The following VPS13B variants were observed in gnomAD, a reference collection of about 807,000 sequenced individuals.
VPS13B encodes intermembrane lipid transfer protein VPS13B.
Under a neutral mutation model 426.4 loss-of-function variants are expected in VPS13B, and 285 were observed. The observed-to-expected ratio is 0.67, with a 90% CI of 0.61 to 0.74. The LOEUF is 0.74. Ranked by LOEUF, VPS13B falls within the 30% of genes least tolerant of loss-of-function variation. VPS13B has a pLI of 0.00. For missense variants in VPS13B, 4,537 were observed against 4,782.6 expected, an observed-to-expected ratio of 0.95 and a Z score of 1.51; for synonymous variants, 1,676 against 1,676.4, an observed-to-expected ratio of 1.00 and a Z score of 0.01.
intron 33 of VPS13B, among the ~76,000 whole-genome samples, chr8:99,628,755 T>C (rs1462853370): frequency 6.6e-6 from 1 of 151,958 alleles, no homozygotes; most frequent in Non-Finnish European, 1.5e-5. Context: ...AATTCCAGTT[T>C]CACCATTTAC....
chr8:99,630,566 C>A (rs1432776121), intron 33 of VPS13B, among the ~76,000 whole-genome samples: 1 of 152,006 alleles, frequency 6.6e-6, no homozygotes. Flanking sequence ...TGATTCCCTT[C>A]ATTTGTCCCT....
At chr8:99,140,568 T>C (rs1810358210) in intron 12 of VPS13B, among the ~76,000 whole-genome samples, 1 of 144,938 alleles carries the variant, frequency 6.9e-6, no homozygotes, top group South Asian at 2.2e-4. Flanking sequence ...TCTCCTCCTT[T>C]CTTCTTGCTG....
In VPS13B at chr8:99,238,241, A is replaced by AGTGTGT. The variant is rs199541620; in HGVS notation, c.2516-35933_2516-35928dup. ...CTAAATTAGTGTAAGAGTTTGTGGG[A>AGTGTGT]GTGTGTGTGTGTGTGTGTGTGTGTG... On this transcript the variant is annotated intron_variant, in intron 17 of 61. Transcript: ENST00000357162. 3.1e-3 allele frequency among the ~76,000 whole-genome samples: 458 copies of AGTGTGT among 150,034 alleles called. 2 individuals are homozygous for AGTGTGT. The highest frequency in any genetic ancestry group is 0.011 in the African/African-American group (437 of 40,904).
chr8:99,078,332 T>C (rs1455587881), intron 3 of VPS13B, among the ~76,000 whole-genome samples: 1 of 151,604 alleles, frequency 6.6e-6, no homozygotes, highest in East Asian at 1.9e-4. Flanking sequence ...TTTTTTCTTA[T>C]AGATGCATCT....
intron 17 of VPS13B, among the ~76,000 whole-genome samples, chr8:99,198,593 T>G (rs978585833): frequency 6.6e-6 from 1 of 152,130 alleles, no homozygotes; most frequent in South Asian, 2.1e-4. Context: ...AAAAATTGAT[T>G]AGGTAAGTGA....
At chr8:99,740,375 T>G (rs1461893661) in intron 39 of VPS13B, among the ~76,000 whole-genome samples, 1 of 152,114 alleles carries the variant, frequency 6.6e-6, no homozygotes, top group African/African-American at 2.4e-5. Context: ...ACGGGGAGAA[T>G]GGAACCAAGT....
intron 19 of VPS13B, among the ~76,000 whole-genome samples, chr8:99,295,591 T>G (rs1040965281): frequency 1.3e-5 from 2 of 152,196 alleles, no homozygotes; most frequent in Non-Finnish European, 2.9e-5. Context: ...TACATTGGCC[T>G]TCAGTTGGGC....
chr8:99,552,537 T>C (rs1006965258), intron 30 of VPS13B, among the ~76,000 whole-genome samples: 2 of 151,920 alleles, frequency 1.3e-5, no homozygotes, highest in African/African-American at 4.8e-5. Flanking sequence ...GGAACATTGC[T>C]TTTTAGTTTG....
intron 21 of VPS13B, among the ~76,000 whole-genome samples, chr8:99,406,193 C>G (rs946918951): frequency 4.0e-5 from 6 of 151,836 alleles, no homozygotes; most frequent in Middle Eastern, 3.2e-3. Context: ...CCTTTCTATC[C>G]TTAGAACACT....
chr8:99,570,201 A>G (rs1338711684), intron 31 of VPS13B, among the ~76,000 whole-genome samples: 1 of 152,182 alleles, frequency 6.6e-6, no homozygotes, highest in East Asian at 1.9e-4. Context: ...GAACCAGGAC[A>G]CACTGTGCTT....
intron 19 of VPS13B, among the ~76,000 whole-genome samples, chr8:99,320,488 C>A (rs912474590): frequency 6.6e-6 from 1 of 152,036 alleles, no homozygotes; most frequent in Non-Finnish European, 1.5e-5. Context: ...TATTTGCTAT[C>A]TTTGTTGTGT....
chr8:99,639,610 A>C (rs1829219098), intron 33 of VPS13B, among the ~76,000 whole-genome samples: 1 of 150,438 alleles, frequency 6.6e-6, no homozygotes, highest in Non-Finnish European at 1.5e-5. Flanking sequence ...TGACTTATTT[A>C]TTCTTACATA....
chr8:99,243,219 A>G (rs969862519), intron 17 of VPS13B, among the ~76,000 whole-genome samples: 10 of 152,326 alleles, frequency 6.6e-5, no homozygotes, highest in Non-Finnish European at 1.2e-4. Context: ...AAGTACCTCA[A>G]TTTCCAAAAT....
At chr8:99,404,004 T>C (rs1815193108) in intron 21 of VPS13B, among the ~76,000 whole-genome samples, 1 of 152,182 alleles carries the variant, frequency 6.6e-6, no homozygotes, top group Non-Finnish European at 1.5e-5. Flanking sequence ...TTTATTCAAC[T>C]GAGGGAAAGG....
chr8:99,476,015 A>AGGTT (rs1172141563), intron 24 of VPS13B, among the ~76,000 whole-genome samples: 1 of 152,238 alleles, frequency 6.6e-6, no homozygotes, highest in Non-Finnish European at 1.5e-5. Context: ...TGGTGTAACC[A>AGGTT]ACATTGATCA....
chr8:99,748,085 G>C (rs768244113), intron 39 of VPS13B, among the ~76,000 whole-genome samples: 10 of 151,952 alleles, frequency 6.6e-5, no homozygotes, highest in African/African-American at 9.7e-5. Flanking sequence ...CCTATAACCT[G>C]TAATGTATCC....
chr8:99,134,717 C>G lies in VPS13B; in HGVS notation c.1292C>G (p.Thr431Ser). 6.2e-7 allele frequency: 1 copy of G among 1,607,100 alleles called. No individual in the cohort carries two copies. Among genetic ancestry groups the G allele is most frequent in the African/African-American group, 1.3e-5 (1 of 74,878 alleles). Reference sequence around the variant, plus strand: ...GTATTGTGTTGGGAACAAGAAGGAACTACAGTTGAGGTAATCTTTCAATAT... The same window carrying G: ...GTATTGTGTTGGGAACAAGAAGGAAGTACAGTTGAGGTAATCTTTCAATAT... ...KEVLCWEQEG[T>S]TVEALMMGEP... The change falls in exon 9 of 62, where the codon ACT becomes AGT. Residue 431 changes from threonine (T) to serine (S), a missense_variant. By Grantham distance (58) the Thr-to-Ser change is moderately conservative. Coordinates refer to ENST00000357162, the MANE Select transcript of VPS13B (RefSeq NM_152564.5).
intron 44 of VPS13B, among the ~76,000 whole-genome samples, chr8:99,810,325 T>C (rs1363004297): frequency 1.3e-5 from 2 of 152,206 alleles, no homozygotes; most frequent in African/African-American, 4.8e-5. Context: ...CATATACATC[T>C]GGATTGTAAC....
intron 17 of VPS13B, among the ~76,000 whole-genome samples, chr8:99,206,246 C>G (rs1463410745): frequency 6.6e-6 from 1 of 152,124 alleles, no homozygotes; most frequent in Non-Finnish European, 1.5e-5. Context: ...AAATAACTTA[C>G]AGACTTTAAA....
Sources: gnomAD v4.1 joint callset for allele counts (sites outside exome capture counted in the v4.1 genomes callset) on GRCh38, gnomAD v4.1.1 for gene constraint, MANE v1.5 for transcripts, NCBI Gene and HGNC (gene_info 2026-07-23, HGNC 2026-07-21) for gene names.